The following LOC122539214 variants were observed in gnomAD, a reference collection of about 807,000 sequenced individuals.
the LOC122539214 span, among the ~76,000 whole-genome samples, chr19:52,668,091 CCTTCT>C: frequency 6.6e-6 from 1 of 152,182 alleles, no homozygotes; most frequent in Non-Finnish European, 1.5e-5. Flanking sequence ...TTATCCTCCA[CCTTCT>C]CTTCCTTTAA....
At chr19:52,667,669 G>T in the LOC122539214 span, among the ~76,000 whole-genome samples, 15 of 152,136 alleles carry the variant, frequency 9.9e-5, no homozygotes, top group Non-Finnish European at 2.1e-4. Flanking sequence ...AGTTAAAGGG[G>T]TAATATCCAG....
At chr19:52,650,805 C>G in the LOC122539214 span, 2 of 152,198 alleles carry the variant, frequency 1.3e-5, no homozygotes, top group Admixed American at 6.5e-5. Context: ...TAGGTATAGG[C>G]TTGCGTGTAA....
chr19:52,685,659 G>T, the LOC122539214 span, among the ~76,000 whole-genome samples: 1 of 152,098 alleles, frequency 6.6e-6, no homozygotes, highest in Admixed American at 6.6e-5. Context: ...CACATTGGGA[G>T]GTCGAGGTGG....
the LOC122539214 span, among the ~76,000 whole-genome samples, chr19:52,658,842 C>T: frequency 1.3e-5 from 2 of 152,196 alleles, no homozygotes; most frequent in Non-Finnish European, 2.9e-5. Context: ...ATGGTATTTA[C>T]TTCAGATCAC....
chr19:52,670,751 C>T, the LOC122539214 span, among the ~76,000 whole-genome samples: 1 of 152,274 alleles, frequency 6.6e-6, no homozygotes, highest in South Asian at 2.1e-4. Flanking sequence ...CAATCAAATA[C>T]ATTTAAAAGA....
At chr19:52,664,264 T>C in the LOC122539214 span, among the ~76,000 whole-genome samples, 2 of 151,318 alleles carry the variant, frequency 1.3e-5, no homozygotes, top group African/African-American at 4.9e-5. Context: ...GGGAGGCCGA[T>C]GCGGCTGGAT....
the LOC122539214 span, among the ~76,000 whole-genome samples, chr19:52,657,481 G>A: frequency 1.3e-5 from 2 of 150,060 alleles, no homozygotes; most frequent in African/African-American, 4.9e-5. Context: ...GTAGTGGTGG[G>A]CTCCCCACTG....
At chr19:52,673,386 T>G in the LOC122539214 span, among the ~76,000 whole-genome samples, 1 of 151,694 alleles carries the variant, frequency 6.6e-6, no homozygotes, top group Non-Finnish European at 1.5e-5. Context: ...GCCTGTAATC[T>G]CAGATATTCA....
chr19:52,685,763 T>A, the LOC122539214 span, among the ~76,000 whole-genome samples: 6 of 151,940 alleles, frequency 3.9e-5, no homozygotes, highest in African/African-American at 9.7e-5. Context: ...CCAGGCATGG[T>A]GGCAGGCAAC....
At chr19:52,652,452 G>A in the LOC122539214 span, 1 of 397,930 alleles carries the variant, frequency 2.5e-6, no homozygotes, top group Non-Finnish European at 5.0e-6. Flanking sequence ...AAAAAAAAAT[G>A]ACTGCCACAA....
the LOC122539214 span, among the ~76,000 whole-genome samples, chr19:52,668,854 C>T: frequency 6.6e-6 from 1 of 152,146 alleles, no homozygotes; most frequent in African/African-American, 2.4e-5. Context: ...TTCCAGGATT[C>T]TACATCCTGG....
the LOC122539214 span, among the ~76,000 whole-genome samples, chr19:52,679,836 A>G: frequency 2.6e-5 from 4 of 152,146 alleles, no homozygotes; most frequent in African/African-American, 9.7e-5. Context: ...CAAGCTATCC[A>G]TGACTGATAG....
chr19:52,689,052 GTTC>G, the LOC122539214 span, among the ~76,000 whole-genome samples: 4 of 151,738 alleles, frequency 2.6e-5, no homozygotes, highest in Non-Finnish European at 5.9e-5. Flanking sequence ...TATTTAGTCA[GTTC>G]TTGTTTTTCC....
the LOC122539214 span, among the ~76,000 whole-genome samples, chr19:52,679,191 C>A: frequency 6.6e-6 from 1 of 152,138 alleles, no homozygotes; most frequent in African/African-American, 2.4e-5. Flanking sequence ...AGGCTGTGAG[C>A]CCAAATGACA....
the LOC122539214 span, among the ~76,000 whole-genome samples, chr19:52,671,828 T>A: frequency 1.3e-5 from 2 of 152,204 alleles, no homozygotes; most frequent in Non-Finnish European, 2.9e-5. Context: ...AAATATGCAG[T>A]CTTTAAATGT....
the LOC122539214 span, among the ~76,000 whole-genome samples, chr19:52,683,680 C>G: frequency 7.2e-3 from 1,091 of 152,256 alleles, 5 homozygotes; most frequent in Middle Eastern, 0.051. Flanking sequence ...GTCTGTAGGG[C>G]TTTTCTGACC....
At chr19:52,682,939 C>T in the LOC122539214 span, among the ~76,000 whole-genome samples, 194 of 152,238 alleles carry the variant, frequency 1.3e-3, 1 homozygote, top group Non-Finnish European at 1.9e-3. Context: ...GGCACCATCT[C>T]GGATTACTGC....
chr19:52,651,511 C>G, the LOC122539214 span: 6 of 152,118 alleles, frequency 3.9e-5, no homozygotes, highest in African/African-American at 1.4e-4. Context: ...CATCAGCCTT[C>G]TCAACCATCT....
the LOC122539214 span, among the ~76,000 whole-genome samples, chr19:52,682,408 C>T: frequency 6.6e-6 from 1 of 152,028 alleles, no homozygotes; most frequent in Non-Finnish European, 1.5e-5. Context: ...AGTGGTGGCT[C>T]ATGCCTGAAA....
Sources: allele counts gnomAD v4.1 joint callset (sites outside exome capture counted in the v4.1 genomes callset), GRCh38; gene constraint gnomAD v4.1.1; transcripts MANE v1.5.